Variants in RPS6KC1 observed in about 807,000 individuals in gnomAD.
RPS6KC1 encodes ribosomal protein S6 kinase C1.
RPS6KC1 carries 54 observed loss-of-function variants against 103.8 expected under a neutral mutation model. The observed-to-expected ratio is 0.52, with a 90% CI of 0.42 to 0.65. The LOEUF (loss-of-function observed/expected upper bound fraction) is 0.65. RPS6KC1 is among the 30% of genes least tolerant of loss of function. RPS6KC1 has a pLI of 0.00. For missense variants in RPS6KC1, 1,151 were observed against 1,253.8 expected (o/e 0.92, Z 1.24); for synonymous variants, 439 against 438.7 (o/e 1.00, Z -0.01).
At chr1:213,670,597 T>C in the RPS6KC1 span, among the ~76,000 whole-genome samples, 1 of 151,940 alleles carries the variant, frequency 6.6e-6, no homozygotes, top group Non-Finnish European at 1.5e-5. Context: ...AGCATAACAA[T>C]AGAGAGTGGC....
the RPS6KC1 span, among the ~76,000 whole-genome samples, chr1:213,532,065 T>C: frequency 6.6e-6 from 1 of 152,206 alleles, no homozygotes; most frequent in Non-Finnish European, 1.5e-5. Context: ...AGACCTGGCA[T>C]GCCAGGGCTA....
the RPS6KC1 span, among the ~76,000 whole-genome samples, chr1:213,766,543 A>G: frequency 6.6e-6 from 1 of 152,226 alleles, no homozygotes; most frequent in African/African-American, 2.4e-5. Flanking sequence ...AAGTTCCCAC[A>G]TAGGAAAACC....
At chr1:213,514,196 A>T in the RPS6KC1 span, among the ~76,000 whole-genome samples, 1 of 152,196 alleles carries the variant, frequency 6.6e-6, no homozygotes, top group Non-Finnish European at 1.5e-5. Context: ...TCAAATTTTT[A>T]GCCTTTGATT....
At chr1:213,567,881 C>T in the RPS6KC1 span, among the ~76,000 whole-genome samples, 1 of 152,242 alleles carries the variant, frequency 6.6e-6, no homozygotes, top group Non-Finnish European at 1.5e-5. Flanking sequence ...GGGAAAGTTA[C>T]TCTGCCTGGG....
chr1:213,693,368 C>T, the RPS6KC1 span, among the ~76,000 whole-genome samples: 1 of 152,172 alleles, frequency 6.6e-6, no homozygotes, highest in African/African-American at 2.4e-5. Context: ...CCCTGTGTGC[C>T]CAGTATCCCA....
At chr1:213,537,274 A>T in the RPS6KC1 span, among the ~76,000 whole-genome samples, 1 of 152,080 alleles carries the variant, frequency 6.6e-6, no homozygotes, top group South Asian at 2.1e-4. Flanking sequence ...AAACATTTTC[A>T]GGTGGGAGTC....
At chr1:213,599,098 T>C in the RPS6KC1 span, among the ~76,000 whole-genome samples, 1 of 152,164 alleles carries the variant, frequency 6.6e-6, no homozygotes, top group Non-Finnish European at 1.5e-5. Flanking sequence ...AAATGTATAG[T>C]GTTTCATTTT....
the RPS6KC1 span, among the ~76,000 whole-genome samples, chr1:213,580,495 G>T: frequency 6.6e-6 from 1 of 152,036 alleles, no homozygotes; most frequent in Non-Finnish European, 1.5e-5. Context: ...GCAGTGGTAG[G>T]GTTTGAGAGG....
downstream of RPS6KC1, among the ~76,000 whole-genome samples, chr1:213,275,372 GA>G (rs531369440): frequency 3.3e-3 from 506 of 152,184 alleles, 1 homozygote; most frequent in Non-Finnish European, 5.8e-3. Flanking sequence ...GATCTTTATA[GA>G]AGGGTTTTTC....
chr1:213,735,444 A>G, the RPS6KC1 span, among the ~76,000 whole-genome samples: 3 of 152,066 alleles, frequency 2.0e-5, no homozygotes, highest in Admixed American at 6.6e-5. Flanking sequence ...CCCTTGTTCT[A>G]TTTCCCTCAC....
At chr1:213,733,605 G>T in the RPS6KC1 span, among the ~76,000 whole-genome samples, 2 of 142,322 alleles carry the variant, frequency 1.4e-5, no homozygotes, top group African/African-American at 2.6e-5. Flanking sequence ...TTGAAGAAAT[G>T]AAAATATTTA....
rs1314179932 is a variant in RPS6KC1, at chr1:213,240,842, T to A, written c.1366T>A (p.Phe456Ile). ...PTSSPQDSSS[F>I]ESRGSDGGSM... ...TTCTAGTCCTCAGGACAGCAGTAGC[T>A]TTGAATCCAGAGGAAGTGATGGTGG... Residue 456 changes from phenylalanine to isoleucine, a missense_variant, in exon 11 of 15, where the codon TTT (phenylalanine) becomes ATT (isoleucine). Physicochemically the swap from Phe to Ile is conservative, Grantham distance 21 (BLOSUM62 0). Around this residue, in one of 3 missense-constraint regions of RPS6KC1, gnomAD observed 959 missense variants for 1,006.3 expected, o/e 0.95. Transcript: ENST00000366960. 1 of 1,613,800 alleles carries A rather than the reference T, an allele frequency of 6.2e-7. No individual in the cohort carries two copies. The highest frequency in any genetic ancestry group is 8.5e-7 in the Non-Finnish European group (1 of 1,179,896).
At chr1:213,340,972 G>GGCAC in the RPS6KC1 span, among the ~76,000 whole-genome samples, 1 of 152,258 alleles carries the variant, frequency 6.6e-6, no homozygotes, top group Non-Finnish European at 1.5e-5. Context: ...CCTTTATCAG[G>GGCAC]TAGTTGAACC....
intron 4 of RPS6KC1, among the ~76,000 whole-genome samples, chr1:213,115,591 A>G (rs1325504627): frequency 1.4e-4 from 21 of 151,864 alleles, no homozygotes; most frequent in African/African-American, 3.1e-4. Flanking sequence ...CTTGCCTTCT[A>G]CTAGCTTTTG....
chr1:213,529,542 T>C, the RPS6KC1 span, among the ~76,000 whole-genome samples: 1 of 152,260 alleles, frequency 6.6e-6, no homozygotes, highest in East Asian at 1.9e-4. Context: ...AGATGTTTAT[T>C]GAAGCATGAA....
At chr1:213,665,305 A>G in the RPS6KC1 span, among the ~76,000 whole-genome samples, 1 of 152,162 alleles carries the variant, frequency 6.6e-6, no homozygotes, top group African/African-American at 2.4e-5. Flanking sequence ...AAGATCCTTA[A>G]TGTAGAAAAT....
At chr1:213,793,474 C>A in the RPS6KC1 span, among the ~76,000 whole-genome samples, 1 of 152,088 alleles carries the variant, frequency 6.6e-6, no homozygotes, top group South Asian at 2.1e-4. Context: ...TGAAGCAAGC[C>A]AAGAATAGCC....
chr1:213,854,540 CTTTCTTTCTTTCTT>C, the RPS6KC1 span, among the ~76,000 whole-genome samples: 16 of 106,048 alleles, frequency 1.5e-4, no homozygotes, highest in African/African-American at 6.6e-4. Flanking sequence ...TTCTTTCTTT[CTTTCTTTCTTTCTT>C]TCTTTCTTTC....
the RPS6KC1 span, among the ~76,000 whole-genome samples, chr1:213,754,588 CT>C: frequency 6.6e-6 from 1 of 152,292 alleles, no homozygotes; most frequent in South Asian, 2.1e-4. Context: ...AGTCCTGTTC[CT>C]GCCACGTAAG....
Sources: gnomAD v4.1 joint callset for allele counts (sites outside exome capture counted in the v4.1 genomes callset) on GRCh38, gnomAD v4.1.1 for gene constraint, gnomAD v4.1.1 regional missense constraint, MANE v1.5 for transcripts, NCBI Gene and HGNC (gene_info 2026-07-23, HGNC 2026-07-21) for gene names.